The following PTPRM variants were observed in gnomAD, a reference collection of about 807,000 sequenced individuals.
The protein encoded by PTPRM is receptor-type tyrosine-protein phosphatase mu.
In PTPRM, 47 loss-of-function variants were observed where a neutral mutation model predicts 186.7. That is an observed-to-expected ratio of 0.25 (90% confidence interval 0.20 to 0.32). PTPRM has a LOEUF of 0.32. Ranked by LOEUF, PTPRM falls within the 10% of genes least tolerant of loss-of-function variation. PTPRM has a pLI of 1.00. For synonymous variants in PTPRM, 668 were observed against 674.9 expected (o/e 0.99, Z 0.16); for missense variants, 1,494 against 1,865.0 (o/e 0.80, Z 3.66).
chr18:7,976,023 G>A (rs867873921), intron 7 of PTPRM, among the ~76,000 whole-genome samples: 17 of 152,076 alleles, frequency 1.1e-4, no homozygotes, highest in African/African-American at 4.1e-4. Flanking sequence ...ACAAAAATTA[G>A]CCAGGCATGG....
chr18:8,381,343 A>G (rs755776895), intron 29 of PTPRM, among the ~76,000 whole-genome samples: 26 of 138,322 alleles, frequency 1.9e-4, no homozygotes, highest in Non-Finnish European at 3.5e-4. Flanking sequence ...TGTCCAGTAG[A>G]CACAAATTCT....
chr18:7,769,761 A>G (rs181552584), intron 1 of PTPRM, among the ~76,000 whole-genome samples: 11 of 152,308 alleles, frequency 7.2e-5, no homozygotes, highest in African/African-American at 2.6e-4. Context: ...GGTATTTGCC[A>G]TCCATTGACG....
intron 32 of PTPRM, among the ~76,000 whole-genome samples, chr18:8,401,552 T>C (rs190226405): frequency 7.1e-4 from 108 of 152,350 alleles, no homozygotes; most frequent in African/African-American, 2.4e-3. Context: ...GCCAAAATCA[T>C]AGAGCTTGCC....
chr18:8,308,770 G>A (rs897474485), intron 20 of PTPRM, among the ~76,000 whole-genome samples: 4 of 152,026 alleles, frequency 2.6e-5, no homozygotes, highest in African/African-American at 9.7e-5. Context: ...CTGTTATCCA[G>A]TATTGTACCT....
At chr18:8,393,812 G>A (rs1317812964) in intron 31 of PTPRM, among the ~76,000 whole-genome samples, 2 of 151,920 alleles carry the variant, frequency 1.3e-5, no homozygotes, top group South Asian at 2.1e-4. Context: ...TGTTTGAGAG[G>A]GAGTCTCGCT....
rs1333838100 is a variant in PTPRM, at chr18:7,984,758, T to C, written c.1132+29344T>C. The stretch of plus-strand genomic sequence containing the variant: ...ATATACATATAAAATTATATACACA[T>C]ATATAAATATATACACATAAAATTA... On this transcript the variant is annotated intron_variant, in intron 7 of 32. Coordinates refer to ENST00000580170, the MANE Select transcript of PTPRM (RefSeq NM_001105244.2). 1.2e-4 allele frequency among the ~76,000 whole-genome samples: 16 copies of C among 137,280 alleles called. No homozygotes were observed. The East Asian group carries it at 1.7e-3, about 15-fold the overall frequency. The allele number at this position is 137,280 out of a possible 152,430, so 90.1% of individuals were successfully genotyped here. A position where few individuals can be genotyped will look rare whatever the true frequency, so the allele number is the denominator to read the frequency against.
In PTPRM at chr18:8,116,914, C is replaced by CTTT. The variant is rs78776147; in HGVS notation, c.2167+2089_2167+2091dup. Among the ~76,000 whole-genome samples the CTTT allele has an allele frequency of 2.0e-3, 310 of 152,296 alleles. 10 individuals are homozygous for CTTT. In the East Asian group the frequency reaches 0.057, roughly 28 times the overall value. ...GCAACAAACTCTATCCAAAGAACCTCTTTTGGGGAAAGAGGGACACATTTT... is the reference window on the plus strand; with the variant it reads ...GCAACAAACTCTATCCAAAGAACCTCTTTTTTTGGGGAAAGAGGGACACATTTT... On this transcript the variant is annotated intron_variant, in intron 13 of 32. Transcript: ENST00000580170.
At chr18:7,841,414 G>A (rs1449933514) in intron 2 of PTPRM, among the ~76,000 whole-genome samples, 1 of 148,940 alleles carries the variant, frequency 6.7e-6, no homozygotes, top group Non-Finnish European at 1.5e-5. Context: ...GCCTCAGCCT[G>A]CTGAGTAGCT....
chr18:7,677,314 A>G (rs1318668794), intron 1 of PTPRM, among the ~76,000 whole-genome samples: 1 of 152,208 alleles, frequency 6.6e-6, no homozygotes. Context: ...ACTTTTCAGC[A>G]GTAATATTAG....
intron 3 of PTPRM, among the ~76,000 whole-genome samples, chr18:7,899,799 A>G (rs887644456): frequency 2.6e-5 from 4 of 152,074 alleles, no homozygotes; most frequent in Non-Finnish European, 5.9e-5. Flanking sequence ...TTTTATTTTT[A>G]ATTTTTCTGA....
chr18:8,314,972 C>CAGTAA, intron 21 of PTPRM, 115 bp downstream of exon 21: 1 of 632,070 alleles, frequency 1.6e-6, no homozygotes, highest in Non-Finnish European at 2.6e-6. Flanking sequence ...GTATAAAACT[C>CAGTAA]AGTAAACCCA....
At chr18:7,860,597 C>T (rs529553697) in intron 2 of PTPRM, among the ~76,000 whole-genome samples, 14 of 152,282 alleles carry the variant, frequency 9.2e-5, no homozygotes, top group African/African-American at 3.4e-4. Flanking sequence ...CATCTGGCCT[C>T]TTTCACCACC....
At chr18:8,125,964 T>C (rs1244139253) in intron 13 of PTPRM, among the ~76,000 whole-genome samples, 5 of 132,218 alleles carry the variant, frequency 3.8e-5, no homozygotes, top group African/African-American at 1.4e-4. Flanking sequence ...GAATGCTATA[T>C]GTGTGTGTAT....
chr18:8,289,535 CACATATATATATAT>C lies in PTPRM; in HGVS notation c.2755-6821_2755-6808del. ...GTATGTATATATATACATATATATACACATATATATATATACATATATATACACATATATATATA... is the reference window on the plus strand; with the variant it reads ...GTATGTATATATATACATATATATACACATATATATACACATATATATATA... On this transcript the variant is annotated intron_variant, in intron 19 of 32. Transcript: ENST00000580170. 3.1e-5 allele frequency among the ~76,000 whole-genome samples: 2 copies of C among 64,976 alleles called. 1 individual carries two copies. The highest frequency in any genetic ancestry group is 9.6e-4 in the South Asian group (2 of 2,092). The allele number at this position is 64,976 out of a possible 152,430, so 42.6% of individuals were successfully genotyped here.
chr18:8,367,376 C>G (rs1429466365), intron 23 of PTPRM, among the ~76,000 whole-genome samples: 1 of 152,272 alleles, frequency 6.6e-6, no homozygotes, highest in Non-Finnish European at 1.5e-5. Flanking sequence ...GGAAGCGGCC[C>G]CGCGCCTCCT....
chr18:7,647,075 G>A (rs372739915), intron 1 of PTPRM, among the ~76,000 whole-genome samples: 4 of 152,112 alleles, frequency 2.6e-5, no homozygotes, highest in African/African-American at 9.7e-5. Context: ...CCTGAGACAC[G>A]TAACAGTGAT....
At chr18:7,907,610 G>T (rs1434412213) in intron 4 of PTPRM, among the ~76,000 whole-genome samples, 1 of 152,178 alleles carries the variant, frequency 6.6e-6, no homozygotes. Context: ...GTCAGGGTGA[G>T]CGAGCTAGAT....
chr18:7,829,704 A>G (rs926016323), intron 2 of PTPRM, among the ~76,000 whole-genome samples: 8 of 152,194 alleles, frequency 5.3e-5, no homozygotes, highest in African/African-American at 1.9e-4. Flanking sequence ...TCATTTGGCC[A>G]TATAAAAACT....
intron 8 of PTPRM, among the ~76,000 whole-genome samples, chr18:8,070,363 T>G (rs995372573): frequency 2.6e-5 from 4 of 151,406 alleles, no homozygotes; most frequent in Non-Finnish European, 5.9e-5. Context: ...TTATATAAAA[T>G]GTTTACCTAA....
Sources: gnomAD v4.1 joint callset for allele counts (sites outside exome capture counted in the v4.1 genomes callset) on GRCh38, gnomAD v4.1.1 for gene constraint, MANE v1.5 for transcripts, NCBI Gene and HGNC (gene_info 2026-07-23, HGNC 2026-07-21) for gene names.